The following RANBP2 variants were observed in gnomAD, a reference collection of about 807,000 sequenced individuals.
RANBP2 encodes the protein E3 SUMO-protein ligase RanBP2.
In RANBP2, 57 loss-of-function variants were observed where a neutral mutation model predicts 303.6. That is an observed-to-expected ratio of 0.19 (90% CI 0.15 to 0.23). RANBP2 has a LOEUF of 0.23. RANBP2 is among the 10% of genes least tolerant of loss of function. RANBP2 has a pLI of 1.00. For synonymous variants in RANBP2, 1,167 were observed against 1,301.5 expected (o/e 0.90, Z 2.23); for missense variants, 3,138 against 3,780.8 (o/e 0.83, Z 4.46).
At chr2:109,204,472 T>C in the RANBP2 span, among the ~76,000 whole-genome samples, 2 of 152,256 alleles carry the variant, frequency 1.3e-5, no homozygotes, top group Admixed American at 1.3e-4. Flanking sequence ...TTGTGGCTTT[T>C]GTTATGCCCC....
At chr2:109,263,092 C>G in the RANBP2 span, among the ~76,000 whole-genome samples, 43 of 152,150 alleles carry the variant, frequency 2.8e-4, no homozygotes, top group African/African-American at 1.0e-3. Context: ...GTAATTCACC[C>G]ACCTCGGCCT....
At chr2:109,695,144 T>G in the RANBP2 span, among the ~76,000 whole-genome samples, 1 of 152,054 alleles carries the variant, frequency 6.6e-6, no homozygotes, top group Non-Finnish European at 1.5e-5. Flanking sequence ...TTTGAATCCT[T>G]TTTATAACCT....
At chr2:109,353,466 G>A in the RANBP2 span, among the ~76,000 whole-genome samples, 45 of 152,290 alleles carry the variant, frequency 3.0e-4, no homozygotes, top group South Asian at 8.3e-3. Flanking sequence ...ACGTGACACC[G>A]CCTGCCTGAG....
chr2:109,125,119 A>G, the RANBP2 span, among the ~76,000 whole-genome samples: 1 of 152,194 alleles, frequency 6.6e-6, no homozygotes, highest in African/African-American at 2.4e-5. Flanking sequence ...CCTGTTGCCA[A>G]GGCGTGCCCC....
At chr2:108,912,618 T>G in the RANBP2 span, 7 of 1,463,270 alleles carry the variant, frequency 4.8e-6, no homozygotes, top group Middle Eastern at 1.7e-4. Context: ...TCTCCTCTTC[T>G]GAGCTTTCAT....
At chr2:109,371,322 G>A in the RANBP2 span, among the ~76,000 whole-genome samples, 38 of 152,218 alleles carry the variant, frequency 2.5e-4, no homozygotes, top group African/African-American at 8.7e-4. Context: ...CCCCGGAGGC[G>A]GAGGCTGCAG....
At chr2:108,789,069 T>C, downstream of RANBP2, 1 of 1,185,964 alleles carries the variant, frequency 8.4e-7, no homozygotes, top group East Asian at 2.4e-5. Flanking sequence ...TGAGGACAAG[T>C]ATGAGGACAA....
the RANBP2 span, chr2:109,585,736 T>G: frequency 6.2e-7 from 1 of 1,612,598 alleles, no homozygotes; most frequent in Non-Finnish European, 8.5e-7. Flanking sequence ...CAGAGAATAT[T>G]AAAGCAGAAA....
chr2:109,597,951 A>T, the RANBP2 span, among the ~76,000 whole-genome samples: 1 of 152,132 alleles, frequency 6.6e-6, no homozygotes, highest in Non-Finnish European at 1.5e-5. Flanking sequence ...CCTAGGTAAC[A>T]ATTTTCCTTA....
the RANBP2 span, among the ~76,000 whole-genome samples, chr2:109,368,717 AAAAAAAG>A: frequency 6.6e-6 from 1 of 150,810 alleles, no homozygotes; most frequent in African/African-American, 2.4e-5. Context: ...TTAAAAAAAA[AAAAAAAG>A]AAAAAGAAAA....
At chr2:109,588,229 A>G in the RANBP2 span, among the ~76,000 whole-genome samples, 1 of 152,242 alleles carries the variant, frequency 6.6e-6, no homozygotes, top group Non-Finnish European at 1.5e-5. Context: ...GTTGGCCCAC[A>G]GTATAAAAAA....
At chr2:109,722,708 C>G in the RANBP2 span, among the ~76,000 whole-genome samples, 1 of 152,200 alleles carries the variant, frequency 6.6e-6, no homozygotes, top group Non-Finnish European at 1.5e-5. Context: ...TTGTTCAGCT[C>G]CCACTTATAA....
chr2:108,814,535 A>G, the RANBP2 span, among the ~76,000 whole-genome samples: 2 of 151,982 alleles, frequency 1.3e-5, no homozygotes, highest in African/African-American at 2.4e-5. Flanking sequence ...TAATGCTACT[A>G]TTTATCATTT....
At chr2:109,559,420 G>A in the RANBP2 span, among the ~76,000 whole-genome samples, 1 of 152,208 alleles carries the variant, frequency 6.6e-6, no homozygotes, top group East Asian at 1.9e-4. Context: ...AACTTACTGA[G>A]TTTCTTCCAG....
the RANBP2 span, among the ~76,000 whole-genome samples, chr2:108,813,932 C>T: frequency 6.6e-6 from 1 of 152,284 alleles, no homozygotes; most frequent in African/African-American, 2.4e-5. Context: ...TTGTTCCTTA[C>T]TATTGCTCAA....
At chr2:108,846,779 C>A in the RANBP2 span, 1 of 1,612,742 alleles carries the variant, frequency 6.2e-7, no homozygotes, top group South Asian at 1.1e-5. Flanking sequence ...TGGGTGAAGA[C>A]ATTTTTAAAG....
chr2:109,078,278 A>G, the RANBP2 span, among the ~76,000 whole-genome samples: 11 of 107,716 alleles, frequency 1.0e-4, no homozygotes, highest in African/African-American at 3.1e-4. Context: ...GTATATATAT[A>G]TATATATATA....
the RANBP2 span, among the ~76,000 whole-genome samples, chr2:109,200,582 G>A: frequency 6.6e-6 from 1 of 152,072 alleles, no homozygotes; most frequent in Non-Finnish European, 1.5e-5. Flanking sequence ...AGGCACCGCC[G>A]ACCTTTTCCA....
chr2:109,129,123 C>A, the RANBP2 span: 2 of 346,696 alleles, frequency 5.8e-6, no homozygotes, highest in South Asian at 4.3e-5. Flanking sequence ...GCACGCCGCG[C>A]CCCGGCCTCC....
Sources: allele counts gnomAD v4.1 joint callset (sites outside exome capture counted in the v4.1 genomes callset), GRCh38; gene constraint gnomAD v4.1.1; transcripts MANE v1.5; gene names NCBI Gene and HGNC (gene_info 2026-07-23, HGNC 2026-07-21).